Variants in RAB3C observed in about 807,000 individuals in gnomAD.
RAB3C encodes RAB3C, member RAS oncogene family.
In RAB3C, 17 loss-of-function variants were observed where a neutral mutation model predicts 26.4. The ratio of observed to expected loss-of-function variants is 0.64; its 90% CI spans 0.44 to 0.97. The LOEUF (loss-of-function observed/expected upper bound fraction) is 0.97, where lower values mean the gene tolerates loss of function less well. RAB3C is among the 50% of genes least tolerant of loss of function. The probability of loss-of-function intolerance (pLI) is 0.00; values close to 1 mark genes in which losing one functional copy is unlikely to be tolerated. For synonymous variants in RAB3C, 91 were observed against 95.9 expected, an observed-to-expected ratio of 0.95 and a Z score of 0.30; for missense variants, 242 against 281.9, an observed-to-expected ratio of 0.86 and a Z score of 1.01.
chr5:58,772,275 G>A (rs562650939), intron 3 of RAB3C, among the ~76,000 whole-genome samples: 1 of 152,268 alleles, frequency 6.6e-6, no homozygotes, highest in South Asian at 2.1e-4. Flanking sequence ...CAGGACCAAT[G>A]TAGTGCTTCA....
intron 2 of RAB3C, among the ~76,000 whole-genome samples, chr5:58,708,198 C>T (rs1207915009): frequency 6.6e-6 from 1 of 152,060 alleles, no homozygotes. Context: ...CGATGTTGCC[C>T]AGGCTGGTCT....
intron 1 of RAB3C, among the ~76,000 whole-genome samples, chr5:58,595,157 G>A (rs62367848): frequency 0.06 from 9,186 of 152,228 alleles, 388 homozygotes; most frequent in Non-Finnish European, 0.094. Flanking sequence ...GAGCAGAGTT[G>A]CATAGCTTTG....
chr5:58,677,554 C>G, intron 2 of RAB3C, among the ~76,000 whole-genome samples: 1 of 152,012 alleles, frequency 6.6e-6, no homozygotes, highest in Non-Finnish European at 1.5e-5. Context: ...GTGTTTTATC[C>G]ATTATATTAT....
Position 58,725,857 on chromosome 5 carries a change from G to A in RAB3C, c.253-145G>A, listed in dbSNP as rs1032886799. 2.8e-4 allele frequency: 135 copies of A among 475,230 alleles called. No homozygotes were observed. In the Middle Eastern group the frequency reaches 3.0e-3, roughly 11 times the overall value. The allele number at this position is 475,230 out of a possible 1,614,324, so 29.4% of individuals were successfully genotyped here. On this transcript the variant is annotated intron_variant, in intron 2 of 4. Coordinates refer to ENST00000282878, the MANE Select transcript of RAB3C (RefSeq NM_138453.4). ...AAAAATCATTTTTAAAAATCATTAG[G>A]GGAAACAAGACCAAAAAAGATAGAC... is the stretch of plus-strand genomic sequence containing the variant.
chr5:58,727,637 A>G (rs1740920692), intron 3 of RAB3C, among the ~76,000 whole-genome samples: 1 of 152,038 alleles, frequency 6.6e-6, no homozygotes, highest in African/African-American at 2.4e-5. Flanking sequence ...GGTTGGTTCA[A>G]TTAAGAGTGT....
intron 2 of RAB3C, among the ~76,000 whole-genome samples, chr5:58,656,032 G>A (rs1477190689): frequency 6.6e-6 from 1 of 151,860 alleles, no homozygotes; most frequent in Non-Finnish European, 1.5e-5. Flanking sequence ...TGATCCACCC[G>A]CCTTGGCCTC....
intron 2 of RAB3C, among the ~76,000 whole-genome samples, chr5:58,700,200 C>T (rs941985763): frequency 2.6e-5 from 4 of 152,124 alleles, no homozygotes; most frequent in Non-Finnish European, 5.9e-5. Context: ...GTAGTAAGTG[C>T]TCAGGAAATG....
At chr5:58,717,176 GT>G (rs1749189508) in intron 2 of RAB3C, among the ~76,000 whole-genome samples, 2 of 152,080 alleles carry the variant, frequency 1.3e-5, no homozygotes, top group Non-Finnish European at 2.9e-5. Flanking sequence ...GTTGAGCCCA[GT>G]TTAAAAAGGC....
At chr5:58,617,585 C>A in intron 1 of RAB3C, 58 bp from the exon 2 acceptor site, 1 of 1,305,912 alleles carries the variant, frequency 7.7e-7, no homozygotes, top group South Asian at 1.2e-5. Context: ...AGCTTCATAT[C>A]AAATGAGAGT....
At chr5:58,797,723 A>G (rs1742706578) in intron 3 of RAB3C, among the ~76,000 whole-genome samples, 1 of 152,080 alleles carries the variant, frequency 6.6e-6, no homozygotes, top group Non-Finnish European at 1.5e-5. Context: ...GTCTTGAAGT[A>G]TCATTTAGAG....
chr5:58,799,826 A>G (rs563682896), intron 3 of RAB3C, among the ~76,000 whole-genome samples: 1 of 152,342 alleles, frequency 6.6e-6, no homozygotes, highest in Admixed American at 6.5e-5. Flanking sequence ...CTAGGAGATA[A>G]GAGAAGACAA....
chr5:58,706,596 T>C (rs1210631224), intron 2 of RAB3C, among the ~76,000 whole-genome samples: 1 of 152,170 alleles, frequency 6.6e-6, no homozygotes, highest in Non-Finnish European at 1.5e-5. Flanking sequence ...ATCTACTTAT[T>C]TGTATTGATT....
rs928356634 is a variant in RAB3C, at chr5:58,851,475, G to A, written c.*124G>A. 1.4e-6 allele frequency: 1 copy of A among 726,858 alleles called. No homozygotes were observed. Among genetic ancestry groups the A allele is most frequent in the African/African-American group, 1.8e-5 (1 of 55,938 alleles). The allele number at this position is 726,858 out of a possible 1,614,324, so 45.0% of individuals were successfully genotyped here. On this transcript the variant is annotated 3_prime_UTR_variant, in exon 5 of 5. Transcript: ENST00000282878. The stretch of plus-strand genomic sequence containing the variant: ...TTTGAAGGAATAAATTGATGTCAAT[G>A]GCTCGTACGCATTCAATTCTTGGGA...
rs749776458 is a variant in RAB3C, at chr5:58,851,274, C to G, written c.607C>G (p.Pro203Ala). Residue 203 changes from proline (P) to alanine (A), a missense_variant, in exon 5 of 5, where the codon CCT becomes GCT. Coordinates refer to ENST00000282878, the MANE Select transcript of RAB3C (RefSeq NM_138453.4). ...DKMSESLETD[P>A]AITAAKQNTR... is the part of the protein sequence containing the mutation. The stretch of plus-strand genomic sequence containing the variant: ...AATGTCAGAGAGTTTGGAGACTGAT[C>G]CTGCCATCACTGCTGCAAAGCAGAA... The G allele has an allele frequency of 4.3e-6, 7 of 1,613,974 alleles. No individual in the cohort carries two copies. The highest frequency in any genetic ancestry group is 5.9e-6 in the Non-Finnish European group (7 of 1,179,934).
intron 2 of RAB3C, among the ~76,000 whole-genome samples, chr5:58,696,136 C>T (rs1360146916): frequency 6.6e-6 from 1 of 152,080 alleles, no homozygotes; most frequent in Admixed American, 6.6e-5. Context: ...GCAGGAAGAG[C>T]TGTTGAATTT....
chr5:58,657,745 G>A (rs772781296), intron 2 of RAB3C, among the ~76,000 whole-genome samples: 19 of 152,230 alleles, frequency 1.2e-4, no homozygotes, highest in Non-Finnish European at 1.9e-4. Context: ...AGAGTGACAT[G>A]ATCTCACAGA....
chr5:58,788,874 T>C (rs1268015835), intron 3 of RAB3C, among the ~76,000 whole-genome samples: 1 of 152,232 alleles, frequency 6.6e-6, no homozygotes, highest in African/African-American at 2.4e-5. Flanking sequence ...CCTTCTTTCC[T>C]AAGTGGTTTC....
At chr5:58,720,942 C>T (rs780587167) in intron 2 of RAB3C, among the ~76,000 whole-genome samples, 1 of 151,770 alleles carries the variant, frequency 6.6e-6, no homozygotes, top group Non-Finnish European at 1.5e-5. Flanking sequence ...ACTGCTATTT[C>T]CTCAGTTTTA....
At chr5:58,706,453 A>G (rs1295475503) in intron 2 of RAB3C, among the ~76,000 whole-genome samples, 1 of 152,230 alleles carries the variant, frequency 6.6e-6, no homozygotes, top group African/African-American at 2.4e-5. Flanking sequence ...GTAGAGTTGT[A>G]ATATAATGAG....
Sources: gnomAD v4.1 joint callset for allele counts (sites outside exome capture counted in the v4.1 genomes callset) on GRCh38, gnomAD v4.1.1 for gene constraint, MANE v1.5 for transcripts, NCBI Gene and HGNC (gene_info 2026-07-23, HGNC 2026-07-21) for gene names.